Variants in SHKBP1 observed in about 807,000 individuals in gnomAD.
SHKBP1 encodes SH3KBP1-binding protein 1.
SHKBP1 carries 71 observed loss-of-function variants against 83.9 expected under a neutral mutation model. The ratio of observed to expected loss-of-function variants is 0.85; its 90% confidence interval spans 0.70 to 1.03. The LOEUF is 1.03. Among genes scored for constraint, SHKBP1 ranks in the 50% least tolerant of loss-of-function variants. SHKBP1 has a pLI of 0.00. For synonymous variants in SHKBP1, 371 were observed against 398.0 expected (o/e 0.93, Z 0.81); for missense variants, 824 against 982.4 (o/e 0.84, Z 2.16).
At chr19:40,585,046 T>C (rs1386374718) in intron 12 of SHKBP1, among the ~76,000 whole-genome samples, 1 of 152,210 alleles carries the variant, frequency 6.6e-6, no homozygotes, top group African/African-American at 2.4e-5. Context: ...GTTTAGTTTT[T>C]ACATGGAAGT....
At chr19:40,587,035 C>A in intron 13 of SHKBP1, 91 bp downstream of exon 13, 1 of 1,236,664 alleles carries the variant, frequency 8.1e-7, no homozygotes, top group Non-Finnish European at 1.1e-6. Context: ...TGGGGAGGGA[C>A]ATTGTGTAGG....
chr19:40,577,948 TACACACACACAC>T (rs58880858), intron 4 of SHKBP1, 194 bp from the exon 5 acceptor site: 272 of 567,618 alleles, frequency 4.8e-4, no homozygotes, highest in Middle Eastern at 9.4e-4. Context: ...GATTTCTCCC[TACACACACACAC>T]ACACACACAC....
Position 40,577,637 on chromosome 19 carries a change from A to G in SHKBP1, c.260+7A>G. Reference sequence around the variant, plus strand: ...CCAAAGAGTTGGATCCCAGGTTGGCATGGAAAAAGGGGAGGGAGTCCCTCA... The same window carrying G: ...CCAAAGAGTTGGATCCCAGGTTGGCGTGGAAAAAGGGGAGGGAGTCCCTCA... On this transcript the variant is annotated splice_region_variant and intron_variant, in intron 4 of 17. Coordinates refer to ENST00000291842, the MANE Select transcript of SHKBP1 (RefSeq NM_138392.4). 1 of 1,614,062 alleles carries G rather than the reference A, an allele frequency of 6.2e-7. No individual in the cohort carries two copies. Among genetic ancestry groups the G allele is most frequent in the African/African-American group, 1.3e-5 (1 of 75,020 alleles).
chr19:40,577,147 G>A (rs1482658315), intron 1 of SHKBP1, 84 bp from the exon 2 acceptor site: 2 of 1,553,324 alleles, frequency 1.3e-6, no homozygotes, highest in Admixed American at 1.7e-5. Context: ...GGGAAGGGGA[G>A]GGAACCCTGG....
intron 9 of SHKBP1, 102 bp downstream of exon 9, chr19:40,581,038 C>A: frequency 8.8e-7 from 1 of 1,135,220 alleles, no homozygotes; most frequent in Non-Finnish European, 1.2e-6. Context: ...GAATTCTCTG[C>A]TCTATTAGAT....
chr19:40,590,071 T>G lies in SHKBP1; in HGVS notation c.1590-173T>G. The G allele has an allele frequency of 1.5e-6, 1 of 675,380 alleles. No individual in the cohort carries two copies. The highest frequency in any genetic ancestry group is 3.0e-5 in the East Asian group (1 of 33,698). The allele number at this position is 675,380 out of a possible 1,614,324, so 41.8% of individuals were successfully genotyped here. On this transcript the variant is annotated intron_variant, in intron 15 of 17. Coordinates refer to ENST00000291842, the MANE Select transcript of SHKBP1 (RefSeq NM_138392.4). This position sits in a 1 kb window ranked among gnomAD's most constrained non-coding sequence, Gnocchi z 4.6. ...GGGAGACTCCCTGGGTGTTTGGGGCTGCGGTGTCCAAGAGCTGCTGGACCC... is the reference window on the plus strand; with the variant it reads ...GGGAGACTCCCTGGGTGTTTGGGGCGGCGGTGTCCAAGAGCTGCTGGACCC...
At chr19:40,577,369 C>T in intron 2 of SHKBP1, 27 bp from the exon 3 acceptor site, 12 of 1,614,038 alleles carry the variant, frequency 7.4e-6, no homozygotes, top group Non-Finnish European at 1.0e-5. Flanking sequence ...CGGCCCGTGA[C>T]GCCTGCTCGG....
At chr19:40,580,018 C>T (rs2081253504) in intron 6 of SHKBP1, 1 of 230,576 alleles carries the variant, frequency 4.3e-6, no homozygotes, top group African/African-American at 3.2e-5. Flanking sequence ...GTGCAACGAG[C>T]GAAACTCCAA....
Position 40,580,600 on chromosome 19 carries a change from G to T in SHKBP1, c.597G>T (p.Val199=), listed in dbSNP as rs199947662. 12 of 1,614,222 alleles carry T rather than the reference G, an allele frequency of 7.4e-6. No homozygotes were observed. The highest frequency in any genetic ancestry group is 9.3e-6 in the Non-Finnish European group (11 of 1,180,036). ...QPEEPGMVRL[V]CGHHNWIAVA... is the part of the protein sequence containing the mutation. Reference sequence around the variant, plus strand: ...AGGAGCCGGGGATGGTGCGCCTGGTGTGTGGACACCATAATTGGATCGCTG... The same window carrying T: ...AGGAGCCGGGGATGGTGCGCCTGGTTTGTGGACACCATAATTGGATCGCTG... Residue 199 remains valine, a synonymous_variant, in exon 8 of 18, where the codon GTG becomes GTT. Transcript: ENST00000291842.
chr19:40,583,182 A>G (rs2145985052), intron 10 of SHKBP1, among the ~76,000 whole-genome samples: 1 of 152,214 alleles, frequency 6.6e-6, no homozygotes, highest in South Asian at 2.1e-4. Flanking sequence ...AAAAGTACAG[A>G]GTCCAGGAGA....
At chr19:40,588,006 G>A (rs1263777322) in intron 13 of SHKBP1, among the ~76,000 whole-genome samples, 1 of 152,206 alleles carries the variant, frequency 6.6e-6, no homozygotes, top group Non-Finnish European at 1.5e-5. Context: ...TCGCTGGAGA[G>A]GGGTCATTCA....
intron 13 of SHKBP1, 92 bp downstream of exon 13, chr19:40,587,036 AT>A: frequency 1.6e-6 from 2 of 1,222,112 alleles, no homozygotes; most frequent in Admixed American, 4.2e-5. Context: ...GGGGAGGGAC[AT>A]TGTGTAGGAA....
In SHKBP1 at chr19:40,590,341, T is replaced by C; in HGVS notation, c.1687T>C (p.Tyr563His). ...SRRLGSRPRRYLLTGQANGSL... is the reference protein window; with the variant it reads ...SRRLGSRPRRHLLTGQANGSL... ...GCGGCTCGGCTCTCGGCCCCGGCGC[T>C]ACCTGCTCACTGGCCAGGCCAACGG... Residue 563 changes from tyrosine (Y) to histidine (H), a missense_variant, in exon 16 of 18, where the codon TAC becomes CAC. Physicochemically the swap from Tyr to His is moderately conservative, Grantham distance 83. Transcript: ENST00000291842. The surrounding 1 kb of genome is among the most constrained non-coding windows in gnomAD (Gnocchi z 4.6). 6.2e-7 allele frequency: 1 copy of C among 1,611,992 alleles called. No homozygotes were observed. Among genetic ancestry groups the C allele is most frequent in the Non-Finnish European group, 8.5e-7 (1 of 1,179,414 alleles).
At chr19:40,577,514 C>T in intron 3 of SHKBP1, 43 bp from the exon 4 acceptor site, 2 of 1,613,992 alleles carry the variant, frequency 1.2e-6, no homozygotes, top group Non-Finnish European at 1.7e-6. Flanking sequence ...CCCACTCAGT[C>T]CTGCCTTTTA....
chr19:40,577,797 T>TG, intron 4 of SHKBP1, 167 bp downstream of exon 4: 1 of 814,952 alleles, frequency 1.2e-6, no homozygotes, highest in Non-Finnish European at 2.0e-6. Flanking sequence ...ATCCCAACAC[T>TG]TTGGGAGGCC....
Position 40,580,947 on chromosome 19 carries a change from A to C in SHKBP1, c.844+11A>C. On this transcript the variant is annotated intron_variant, in intron 9 of 17. Transcript: ENST00000291842. ...GTGGCTCCGAGATAGGTATGACCCC[A>C]AGCCTTTTCCAGAACCCTCTGTCCT... The C allele has an allele frequency of 6.6e-7, 1 of 1,524,554 alleles. No individual in the cohort carries two copies. Among genetic ancestry groups the C allele is most frequent in the Non-Finnish European group, 8.8e-7 (1 of 1,136,710 alleles). 94.4% of individuals were successfully genotyped at this position (1,524,554 alleles called of 1,614,324 possible).
At chr19:40,581,218 A>G (rs533961245) in intron 9 of SHKBP1, among the ~76,000 whole-genome samples, 1 of 152,252 alleles carries the variant, frequency 6.6e-6, no homozygotes, top group South Asian at 2.1e-4. Context: ...GCCATGAGAA[A>G]TGTCTGACTT....
intron 10 of SHKBP1, 25 bp downstream of exon 10, chr19:40,582,491 G>T (rs527620780): frequency 1.2e-6 from 2 of 1,600,656 alleles, no homozygotes; most frequent in East Asian, 2.2e-5. Flanking sequence ...CAGCCTGGCT[G>T]CCCCCTTCCC....
At chr19:40,577,471 G>C (rs1025511203) in intron 3 of SHKBP1, 30 bp downstream of exon 3, 2 of 1,613,534 alleles carry the variant, frequency 1.2e-6, no homozygotes, top group Non-Finnish European at 1.7e-6. Flanking sequence ...AAATGGGATG[G>C]GGGGGAGGGG....
Sources: gnomAD v4.1 joint callset for allele counts (sites outside exome capture counted in the v4.1 genomes callset) on GRCh38, gnomAD v4.1.1 for gene constraint, Gnocchi (gnomAD v3.1) non-coding constraint, MANE v1.5 for transcripts, NCBI Gene and HGNC (gene_info 2026-07-23, HGNC 2026-07-21) for gene names.